TRPC5: variants seen among roughly 807,000 people sequenced by gnomAD.
TRPC5 encodes short transient receptor potential channel 5.
TRPC5 carries 9 observed loss-of-function variants against 56.5 expected under a neutral mutation model. The observed-to-expected ratio is 0.16, with a 90% CI of 0.10 to 0.28. The LOEUF is 0.28. Among genes scored for constraint, TRPC5 ranks in the 10% least tolerant of loss-of-function variants. The pLI, the probability that TRPC5 is intolerant of heterozygous loss-of-function variation, is 1.00. For missense variants in TRPC5, 469 were observed against 748.9 expected (o/e 0.63, Z 4.36); for synonymous variants, 282 against 278.5 (o/e 1.01, Z -0.13).
intron 9 of TRPC5, 120 bp from the exon 10 acceptor site, chrX:111,779,194 G>A: frequency 2.5e-6 from 1 of 404,458 alleles, no homozygotes; most frequent in South Asian, 7.6e-5. Context: ...ATCCTCATAG[G>A]ATCCAGCCTT....
chrX:112,066,014 A>G (rs1930574946), intron 1 of TRPC5, among the ~76,000 whole-genome samples: 1 of 108,174 alleles, frequency 9.2e-6, no homozygotes, highest in Admixed American at 1.0e-4. Context: ...CACACCAACT[A>G]CCTGTCCCCA....
rs1273696257 is a variant in TRPC5 at position 111,849,194 on chromosome X, G to A, written c.1378-1758C>T. On this transcript the variant is annotated intron_variant, in intron 5 of 10. Coordinates refer to ENST00000262839, the MANE Select transcript of TRPC5 (RefSeq NM_012471.3). The stretch of plus-strand genomic sequence containing the variant: ...CTCCTCATCCAGAACTGTAACCTCA[G>A]GGATGTCTGTTGCCCATGGGATGGT... 5.3e-5 allele frequency among the ~76,000 whole-genome samples: 6 copies of A among 112,203 alleles called. No individual in the cohort carries two copies. The Admixed American group carries it at 5.7e-4, about 11-fold the overall frequency.
rs182022647 is a variant in TRPC5, at chrX:112,013,029, T to A, written c.-21-60588A>T. Among the ~76,000 whole-genome samples, 569 of 112,534 alleles carry A rather than the reference T, an allele frequency of 5.1e-3. 7 individuals carry two copies. Among genetic ancestry groups the A allele is most frequent in the African/African-American group, 0.017 (515 of 30,995 alleles). ...GGGTGCTGGAAATTGATCCTGTATA[T>A]AAAATGTATCTTGAGGCTTCAGTAC... On this transcript the variant is annotated intron_variant, in intron 1 of 10. Transcript: ENST00000262839.
intron 1 of TRPC5, among the ~76,000 whole-genome samples, chrX:112,020,546 T>A (rs867591002): frequency 8.9e-6 from 1 of 112,284 alleles, no homozygotes; most frequent in Non-Finnish European, 1.9e-5. Context: ...GGCCTGAATG[T>A]AAAAAACACA....
At chrX:111,843,509 T>G (rs2148581701) in intron 6 of TRPC5, among the ~76,000 whole-genome samples, 1 of 111,641 alleles carries the variant, frequency 9.0e-6, no homozygotes, top group Non-Finnish European at 1.9e-5. Flanking sequence ...GGTATTCCAT[T>G]CAGAGGTAAT....
chrX:111,844,129 A>G (rs1241323029), intron 6 of TRPC5, among the ~76,000 whole-genome samples: 1 of 110,240 alleles, frequency 9.1e-6, no homozygotes, highest in Non-Finnish European at 1.9e-5. Context: ...GTTGGAAGTG[A>G]AGATACGGAG....
At chrX:111,962,967 G>C (rs1927428415) in intron 1 of TRPC5, among the ~76,000 whole-genome samples, 1 of 111,798 alleles carries the variant, frequency 8.9e-6, no homozygotes, top group African/African-American at 3.3e-5. Flanking sequence ...AGGAGTGCCA[G>C]ACAGTGGGAG....
Position 111,952,189 on chromosome X carries a change from T to G in TRPC5, c.232A>C (p.Ile78Leu). ...PLGRSALLIAIENENLEIMEL... is the reference protein window; with the variant it reads ...PLGRSALLIALENENLEIMEL... Reference sequence around the variant, plus strand: ...ATGATCTCCAGGTTCTCGTTCTCAATGGCAATGAGCAGGGCACTCCGGCCC... The same window carrying G: ...ATGATCTCCAGGTTCTCGTTCTCAAGGGCAATGAGCAGGGCACTCCGGCCC... Residue 78 changes from isoleucine (I) to leucine (L), a missense_variant, in exon 2 of 11, where the codon ATT becomes CTT. Transcript: ENST00000262839. The G allele has an allele frequency of 8.3e-7, 1 of 1,210,681 alleles. No individual in the cohort carries two copies. The highest frequency in any genetic ancestry group is 1.7e-5 in the African/African-American group (1 of 57,345).
At chrX:112,003,065 A>G (rs1194305240) in intron 1 of TRPC5, among the ~76,000 whole-genome samples, 8 of 111,424 alleles carry the variant, frequency 7.2e-5, no homozygotes, top group Admixed American at 4.8e-4. Flanking sequence ...TTATGTGGGT[A>G]TTCATTTCTC....
intron 1 of TRPC5, among the ~76,000 whole-genome samples, chrX:112,030,302 A>G (rs781142092): frequency 8.0e-5 from 9 of 112,732 alleles, no homozygotes; most frequent in African/African-American, 2.3e-4. Flanking sequence ...GCTAAGTATT[A>G]TTATTTATAA....
chrX:112,035,456 C>CATAT (rs58747733), intron 1 of TRPC5, among the ~76,000 whole-genome samples: 8,213 of 103,561 alleles, frequency 0.079, 371 homozygotes, highest in African/African-American at 0.15. Context: ...TCCTTGAACT[C>CATAT]ATATATATAT....
In TRPC5 at chrX:111,768,725, CCA is replaced by C. The variant is rs1400580227; in HGVS notation, c.*7586_*7587del. ...GAATTGAATTTCCTTTTACATTAAA[CCA>C]CAGACTAATGTGTTAACCCTTTGGG... On this transcript the variant is annotated 3_prime_UTR_variant, in exon 11 of 11. Coordinates refer to ENST00000262839, the MANE Select transcript of TRPC5 (RefSeq NM_012471.3). Among the ~76,000 whole-genome samples the C allele has an allele frequency of 9.0e-6, 1 of 111,695 alleles. No individual in the cohort carries two copies. Among genetic ancestry groups the C allele is most frequent in the Non-Finnish European group, 1.9e-5 (1 of 53,058 alleles).
intron 1 of TRPC5, among the ~76,000 whole-genome samples, chrX:112,011,888 GT>G (rs1929002568): frequency 8.9e-6 from 1 of 111,744 alleles, no homozygotes; most frequent in Non-Finnish European, 1.9e-5. Context: ...ACAGCATTAT[GT>G]TTTTTCCTAT....
Position 111,781,224 on chromosome X carries a change from C to T in TRPC5, c.2101-18G>A. 2.5e-6 allele frequency: 3 copies of T among 1,199,907 alleles called. No homozygotes were observed. Among genetic ancestry groups the T allele is most frequent in the Non-Finnish European group, 3.4e-6 (3 of 884,936 alleles). On this transcript the variant is annotated intron_variant, in intron 8 of 10. Transcript: ENST00000262839. ...TTGCGTTCCTATAATTGAAAATAGA[C>T]AGAGATGTTACATCAGCAGTCTCCC...
chrX:111,782,509 T>G (rs1340890177), intron 7 of TRPC5, among the ~76,000 whole-genome samples: 1 of 111,059 alleles, frequency 9.0e-6, no homozygotes, highest in African/African-American at 3.3e-5. Context: ...TATATATGCA[T>G]CTGTCCAAGC....
intron 7 of TRPC5, among the ~76,000 whole-genome samples, chrX:111,826,334 A>AAT (rs1922235998): frequency 8.9e-6 from 1 of 112,399 alleles, no homozygotes; most frequent in African/African-American, 3.2e-5. Context: ...TCTACCAGAA[A>AAT]ATGTAAATTG....
intron 1 of TRPC5, among the ~76,000 whole-genome samples, chrX:112,011,148 G>A (rs993560056): frequency 3.6e-5 from 4 of 111,606 alleles, no homozygotes; most frequent in African/African-American, 6.5e-5. Context: ...TCATCAACTG[G>A]GATGGGGCTG....
chrX:111,803,064 G>A (rs776398698), intron 7 of TRPC5, among the ~76,000 whole-genome samples: 1 of 110,344 alleles, frequency 9.1e-6, no homozygotes, highest in Non-Finnish European at 1.9e-5. Flanking sequence ...CACACCCTGT[G>A]TCCAAGTGAT....
At chrX:112,063,541 T>C (rs1930506157) in intron 1 of TRPC5, among the ~76,000 whole-genome samples, 1 of 111,877 alleles carries the variant, frequency 8.9e-6, no homozygotes, top group Non-Finnish European at 1.9e-5. Flanking sequence ...AGACAACTAA[T>C]AAAAATGTTA....
Sources: allele counts gnomAD v4.1 joint callset (sites outside exome capture counted in the v4.1 genomes callset), GRCh38; gene constraint gnomAD v4.1.1; transcripts MANE v1.5; gene names NCBI Gene and HGNC (gene_info 2026-07-23, HGNC 2026-07-21).